Variants in HCN1 observed in about 807,000 individuals in gnomAD.
HCN1 encodes the protein potassium/sodium hyperpolarization-activated cyclic nucleotide-gated channel 1.
Under a neutral mutation model 78.9 loss-of-function variants are expected in HCN1, and 13 were observed. The observed-to-expected ratio is 0.16, with a 90% CI of 0.11 to 0.26. The LOEUF is 0.26. Among genes scored for constraint, HCN1 ranks in the 10% least tolerant of loss-of-function variants. HCN1 has a pLI of 1.00. For synonymous variants in HCN1, 552 were observed against 455.5 expected, an observed-to-expected ratio of 1.21 and a Z score of -2.70; for missense variants, 810 against 1,154.3, an observed-to-expected ratio of 0.70 and a Z score of 4.32.
rs772772684 is a variant in HCN1 at position 45,258,356 on chromosome 5, C to A, written c.*3565G>T. 2.0e-5 allele frequency: 3 copies of A among 152,046 alleles called. No individual in the cohort carries two copies. Among genetic ancestry groups the A allele is most frequent in the Non-Finnish European group, 1.5e-5 (1 of 67,980 alleles). The allele number at this position is 152,046 out of a possible 1,614,324, so 9.4% of individuals were successfully genotyped here. ...AACTTGACTATGTACTTTGTAGTGT[C>A]CTGAAAATAGTATGCTCAGTTAAGT... On this transcript the variant is annotated 3_prime_UTR_variant, in exon 8 of 8. Coordinates refer to ENST00000303230, the MANE Select transcript of HCN1 (RefSeq NM_021072.4).
At chr5:45,522,491 C>T (rs1742634964) in intron 2 of HCN1, among the ~76,000 whole-genome samples, 1 of 151,928 alleles carries the variant, frequency 6.6e-6, no homozygotes, top group African/African-American at 2.4e-5. Context: ...CCTACAATTA[C>T]TTAGAAGGAA....
chr5:45,592,618 G>T (rs114840292), intron 2 of HCN1, among the ~76,000 whole-genome samples: 20 of 152,070 alleles, frequency 1.3e-4, no homozygotes, highest in Non-Finnish European at 2.4e-4. Context: ...GAATGAATTT[G>T]TTTCTTGGAC....
At chr5:45,418,952 C>A (rs542700296) in intron 3 of HCN1, among the ~76,000 whole-genome samples, 4 of 152,176 alleles carry the variant, frequency 2.6e-5, no homozygotes, top group Non-Finnish European at 4.4e-5. Context: ...CTATCTTCAC[C>A]ACAGACTGCT....
chr5:45,482,388 T>C (rs1385111692), intron 2 of HCN1, among the ~76,000 whole-genome samples: 1 of 152,188 alleles, frequency 6.6e-6, no homozygotes, highest in African/African-American at 2.4e-5. Context: ...TCCAACACTA[T>C]GTATGCTTCC....
At chr5:45,390,652 G>A (rs1026817587) in intron 4 of HCN1, among the ~76,000 whole-genome samples, 3 of 152,014 alleles carry the variant, frequency 2.0e-5, no homozygotes, top group Non-Finnish European at 4.4e-5. Flanking sequence ...ATTATCACTG[G>A]GGAAAAGGGA....
chr5:45,299,472 T>G (rs1320962110), intron 6 of HCN1, among the ~76,000 whole-genome samples: 2 of 151,896 alleles, frequency 1.3e-5, no homozygotes, highest in Non-Finnish European at 2.9e-5. Context: ...CATCTGGGGA[T>G]TTTTTTCAAC....
At chr5:45,415,846 A>T (rs1740107534) in intron 3 of HCN1, among the ~76,000 whole-genome samples, 1 of 152,064 alleles carries the variant, frequency 6.6e-6, no homozygotes, top group Non-Finnish European at 1.5e-5. Context: ...CAAGACATTT[A>T]GCAGAGTGAT....
At chr5:45,676,986 T>A (rs1201568960) in intron 1 of HCN1, among the ~76,000 whole-genome samples, 2 of 151,796 alleles carry the variant, frequency 1.3e-5, no homozygotes, top group East Asian at 1.9e-4. Context: ...TGATTCAAAA[T>A]TTTTTTCAGC....
chr5:45,292,436 AG>A (rs1479839884), intron 6 of HCN1, among the ~76,000 whole-genome samples: 18 of 151,990 alleles, frequency 1.2e-4, no homozygotes, highest in African/African-American at 4.3e-4. Flanking sequence ...TCATCACAAC[AG>A]AAAGTTCTGC....
intron 4 of HCN1, among the ~76,000 whole-genome samples, chr5:45,384,346 A>G (rs1289813980): frequency 6.6e-6 from 1 of 152,152 alleles, no homozygotes; most frequent in Non-Finnish European, 1.5e-5. Context: ...AATCTTTGGA[A>G]TAATGTGAGA....
intron 4 of HCN1, among the ~76,000 whole-genome samples, chr5:45,363,066 AATAT>A (rs532428254): frequency 6.8e-6 from 1 of 147,158 alleles, no homozygotes; most frequent in Non-Finnish European, 1.5e-5. Flanking sequence ...AAATATACCA[AATAT>A]ATATATATAC....
intron 2 of HCN1, among the ~76,000 whole-genome samples, chr5:45,549,262 G>A (rs947791951): frequency 1.3e-5 from 2 of 152,130 alleles, no homozygotes; most frequent in South Asian, 4.1e-4. Flanking sequence ...CAAGGCTACA[G>A]TAACCAAAAC....
intron 2 of HCN1, among the ~76,000 whole-genome samples, chr5:45,636,175 TA>T (rs1056854663): frequency 2.1e-4 from 32 of 152,258 alleles, no homozygotes; most frequent in African/African-American, 7.2e-4. Context: ...TATTTGTAGA[TA>T]GGGGCACTAT....
At position 45,683,491 on chromosome 5, in the gene HCN1, T is replaced by C. The variant is rs187101009; in HGVS notation, c.425+12178A>G. Among the ~76,000 whole-genome samples the C allele has an allele frequency of 3.4e-4, 52 of 152,276 alleles. No homozygotes were observed. The East Asian group carries it at 6.8e-3, about 20-fold the overall frequency. On this transcript the variant is annotated intron_variant, in intron 1 of 7. Coordinates refer to ENST00000303230, the MANE Select transcript of HCN1 (RefSeq NM_021072.4). ...CACCCAAGTATATTTCTAGTTAGAA[T>C]TGTGTGCCTTATTGTATTGCCTGAC... is the stretch of plus-strand genomic sequence containing the variant.
At chr5:45,465,235 G>T (rs1741243676) in intron 2 of HCN1, among the ~76,000 whole-genome samples, 2 of 151,938 alleles carry the variant, frequency 1.3e-5, no homozygotes, top group Admixed American at 6.6e-5. Flanking sequence ...CTTTGCTTCT[G>T]TATCTTAAAC....
At chr5:45,330,661 C>A (rs1341567988) in intron 5 of HCN1, among the ~76,000 whole-genome samples, 1 of 150,684 alleles carries the variant, frequency 6.6e-6, no homozygotes, top group Non-Finnish European at 1.5e-5. Flanking sequence ...CACTTGTTTC[C>A]TTTTCTTTTT....
At chr5:45,494,735 C>T (rs1204826157) in intron 2 of HCN1, among the ~76,000 whole-genome samples, 5 of 152,080 alleles carry the variant, frequency 3.3e-5, no homozygotes, top group Admixed American at 2.0e-4. Flanking sequence ...GGTTTTAGGT[C>T]TAACGTTTAA....
In HCN1 at chr5:45,292,172, T is replaced by A. The variant is rs184443194; in HGVS notation, c.1618+11427A>T. 7.0e-4 allele frequency among the ~76,000 whole-genome samples: 106 copies of A among 152,110 alleles called. 1 individual carries two copies. The East Asian group carries it at 0.013, about 18-fold the overall frequency. Reference sequence around the variant, plus strand: ...TATTGGGCTTAACATGGAATAACAATTTTCATTTATACCATTCTAGATACA... The same window carrying A: ...TATTGGGCTTAACATGGAATAACAAATTTCATTTATACCATTCTAGATACA... On this transcript the variant is annotated intron_variant, in intron 6 of 7. Transcript: ENST00000303230.
At chr5:45,363,626 A>G (rs1747169183) in intron 4 of HCN1, among the ~76,000 whole-genome samples, 1 of 152,024 alleles carries the variant, frequency 6.6e-6, no homozygotes, top group Non-Finnish European at 1.5e-5. Flanking sequence ...CTTGAATTAT[A>G]TCTCTCAGAA....
Sources: allele counts gnomAD v4.1 joint callset (sites outside exome capture counted in the v4.1 genomes callset), GRCh38; gene constraint gnomAD v4.1.1; transcripts MANE v1.5; gene names NCBI Gene and HGNC (gene_info 2026-07-23, HGNC 2026-07-21).